Variants in ASTN2 observed in about 807,000 individuals in gnomAD.
ASTN2 encodes the protein astrotactin 2.
Under a neutral mutation model 139.8 loss-of-function variants are expected in ASTN2, and 54 were observed. That is an observed-to-expected ratio of 0.39 (90% CI 0.31 to 0.48). The LOEUF (loss-of-function observed/expected upper bound fraction) is 0.48. Ranked by LOEUF, ASTN2 falls within the 20% of genes least tolerant of loss-of-function variation. The probability of loss-of-function intolerance (pLI) is 0.95; values close to 1 mark genes in which losing one functional copy is unlikely to be tolerated. For missense variants in ASTN2, 1,565 were observed against 1,725.1 expected (o/e 0.91, Z 1.64); for synonymous variants, 756 against 719.5 (o/e 1.05, Z -0.81).
Position 116,453,043 on chromosome 9 carries a change from G to A in ASTN2, c.3498-10490C>T, listed in dbSNP as rs142152929. ...ACTTGGATTTACTCTTGGCCATTAA[G>A]TTAGGGAACATTATAGGCAGAATGG... On this transcript the variant is annotated intron_variant, in intron 20 of 22. Coordinates refer to ENST00000313400, the MANE Select transcript of ASTN2 (RefSeq NM_001365068.1). 6.5e-3 allele frequency among the ~76,000 whole-genome samples: 987 copies of A among 152,232 alleles called. 4 individuals are homozygous for A. The highest frequency in any genetic ancestry group is 9.9e-3 in the Non-Finnish European group (676 of 68,018).
At chr9:117,008,863 G>A (rs1837433925) in intron 6 of ASTN2, among the ~76,000 whole-genome samples, 1 of 152,106 alleles carries the variant, frequency 6.6e-6, no homozygotes, top group African/African-American at 2.4e-5. Flanking sequence ...CCTAGCTTGT[G>A]TTGTTTGTTT....
intron 10 of ASTN2, among the ~76,000 whole-genome samples, chr9:116,912,801 G>T (rs1354783748): frequency 6.6e-6 from 1 of 152,112 alleles, no homozygotes; most frequent in East Asian, 1.9e-4. Flanking sequence ...ACTCTAAGTG[G>T]GGGTACCATG....
chr9:116,556,274 A>G (rs1419862069), intron 19 of ASTN2, among the ~76,000 whole-genome samples: 1 of 152,124 alleles, frequency 6.6e-6, no homozygotes, highest in African/African-American at 2.4e-5. Context: ...GAGTTTCCTC[A>G]CTGGTGACAA....
chr9:116,906,060 C>T (rs2132412655), intron 10 of ASTN2, among the ~76,000 whole-genome samples: 1 of 152,198 alleles, frequency 6.6e-6, no homozygotes, highest in South Asian at 2.1e-4. Flanking sequence ...TAGATTTCTG[C>T]CAAAGCCAGA....
At chr9:116,700,402 A>AAT (rs1170046928) in intron 16 of ASTN2, 1 of 167,212 alleles carries the variant, frequency 6.0e-6, no homozygotes, top group African/African-American at 2.4e-5. Context: ...TCAGCCTGGA[A>AAT]ATTGCTTGCC....
At chr9:117,217,185 T>C (rs74644241) in intron 2 of ASTN2, among the ~76,000 whole-genome samples, 3,502 of 152,232 alleles carry the variant, frequency 0.023, 61 homozygotes, top group South Asian at 0.042. Context: ...TATTTTCAAA[T>C]TCAGCCTCCA....
chr9:116,598,358 G>A (rs1265416493), intron 19 of ASTN2, among the ~76,000 whole-genome samples: 4 of 152,142 alleles, frequency 2.6e-5, no homozygotes, highest in Non-Finnish European at 5.9e-5. Context: ...TGTATGTGTC[G>A]GCCATAACTT....
intron 13 of ASTN2, among the ~76,000 whole-genome samples, chr9:116,753,584 A>C (rs1266351269): frequency 2.0e-5 from 3 of 152,220 alleles, no homozygotes; most frequent in African/African-American, 7.2e-5. Flanking sequence ...GAATAATAAG[A>C]GGAGAAACTG....
chr9:116,832,508 C>T (rs533474058), intron 11 of ASTN2, among the ~76,000 whole-genome samples: 5 of 151,972 alleles, frequency 3.3e-5, no homozygotes, highest in South Asian at 2.1e-4. Flanking sequence ...TGATGTTCTT[C>T]GTCAAGTTGA....
chr9:116,633,563 T>C (rs1395667196), intron 17 of ASTN2, among the ~76,000 whole-genome samples: 1 of 152,178 alleles, frequency 6.6e-6, no homozygotes. Context: ...GGTTGGAAAG[T>C]TTCAAGTGAA....
chr9:117,211,993 A>C lies in ASTN2; in HGVS notation c.1015+2365T>G, dbSNP rs184181968. ...TGGAAGTATCACACTTTCAGACCTC[A>C]AAATATACTACAAAGCTGTAGTAAC... On this transcript the variant is annotated intron_variant, in intron 3 of 22. Transcript: ENST00000313400. Among the ~76,000 whole-genome samples the C allele has an allele frequency of 1.3e-3, 202 of 152,296 alleles. No individual in the cohort carries two copies. In the Middle Eastern group the frequency reaches 0.017, roughly 13 times the overall value.
intron 10 of ASTN2, among the ~76,000 whole-genome samples, chr9:116,966,879 A>T (rs1836025903): frequency 6.6e-6 from 1 of 152,152 alleles, no homozygotes; most frequent in African/African-American, 2.4e-5. Flanking sequence ...AAAGACCAAG[A>T]TATAAAGTCC....
At chr9:116,769,801 T>G (rs1245677074) in intron 13 of ASTN2, among the ~76,000 whole-genome samples, 1 of 152,108 alleles carries the variant, frequency 6.6e-6, no homozygotes, top group East Asian at 1.9e-4. Flanking sequence ...TCCCAACACG[T>G]TGCAAGGTCG....
chr9:117,352,948 C>T (rs1483175231), intron 1 of ASTN2, among the ~76,000 whole-genome samples: 1 of 152,058 alleles, frequency 6.6e-6, no homozygotes, highest in Non-Finnish European at 1.5e-5. Flanking sequence ...TTACATGAAA[C>T]ATCTTGAATG....
At chr9:117,362,777 T>TTAAG (rs1315252087) in intron 1 of ASTN2, among the ~76,000 whole-genome samples, 1 of 152,136 alleles carries the variant, frequency 6.6e-6, no homozygotes, top group Non-Finnish European at 1.5e-5. Context: ...TCCTTTGGTG[T>TTAAG]TGGCTGAGGA....
intron 13 of ASTN2, among the ~76,000 whole-genome samples, chr9:116,766,425 T>C (rs1829809373): frequency 6.6e-6 from 1 of 151,326 alleles, no homozygotes; most frequent in South Asian, 2.1e-4. Context: ...AACACATACA[T>C]TCACACTCAC....
Position 116,698,402 on chromosome 9 carries a change from G to C in ASTN2, c.2806+27369C>G, listed in dbSNP as rs3747833. ...AAGTTGAGAAGTCCAATAGTCAAGTGGTAGAGGAGCAGAGTTACCTGCTTA... is the reference window on the plus strand; with the variant it reads ...AAGTTGAGAAGTCCAATAGTCAAGTCGTAGAGGAGCAGAGTTACCTGCTTA... On this transcript the variant is annotated intron_variant, in intron 16 of 22. Transcript: ENST00000313400. The surrounding 1 kb of genome is among the most constrained non-coding windows in gnomAD (Gnocchi z 4.4). The C allele has an allele frequency of 5.9e-5, 96 of 1,613,996 alleles. No homozygotes were observed. In the East Asian group the frequency reaches 2.1e-3, roughly 36 times the overall value.
At chr9:116,637,314 G>A (rs1275509122) in intron 17 of ASTN2, among the ~76,000 whole-genome samples, 2 of 152,160 alleles carry the variant, frequency 1.3e-5, no homozygotes, top group African/African-American at 4.8e-5. Flanking sequence ...TTGGAGAGAG[G>A]ATTAACTTTC....
At chr9:116,888,865 C>A (rs985112884) in intron 10 of ASTN2, among the ~76,000 whole-genome samples, 1 of 152,108 alleles carries the variant, frequency 6.6e-6, no homozygotes, top group Non-Finnish European at 1.5e-5. Context: ...CACAATCCCC[C>A]CTCAAGGTCC....
Sources: allele counts gnomAD v4.1 joint callset (sites outside exome capture counted in the v4.1 genomes callset), GRCh38; gene constraint gnomAD v4.1.1; non-coding constraint Gnocchi (gnomAD v3.1); transcripts MANE v1.5; gene names NCBI Gene and HGNC (gene_info 2026-07-23, HGNC 2026-07-21).